Variants in ZNF280C observed in about 807,000 individuals in gnomAD.
ZNF280C encodes the protein suppressor of hairy wing homolog 3.
Under a neutral mutation model 53.6 loss-of-function variants are expected in ZNF280C, and 14 were observed. That is an observed-to-expected ratio of 0.26 (90% confidence interval 0.17 to 0.41). The LOEUF (loss-of-function observed/expected upper bound fraction) is 0.41, where lower values mean the gene tolerates loss of function less well. Ranked by LOEUF, ZNF280C falls within the 10% of genes least tolerant of loss-of-function variation. The probability of loss-of-function intolerance (pLI) is 1.00; values close to 1 mark genes in which losing one functional copy is unlikely to be tolerated. For missense variants in ZNF280C, 416 were observed against 547.1 expected, an observed-to-expected ratio of 0.76 and a Z score of 2.39; for synonymous variants, 203 against 181.1, an observed-to-expected ratio of 1.12 and a Z score of -0.97.
intron 12 of ZNF280C, among the ~76,000 whole-genome samples, chrX:130,226,520 T>C (rs2032222692): frequency 8.9e-6 from 1 of 111,797 alleles, no homozygotes; most frequent in Non-Finnish European, 1.9e-5. Context: ...ACTTTGACTA[T>C]TTATGATTCT....
chrX:130,257,428 T>C (rs1259937541), intron 2 of ZNF280C, among the ~76,000 whole-genome samples: 2 of 111,299 alleles, frequency 1.8e-5, no homozygotes, highest in Admixed American at 9.6e-5. Context: ...GATATAACTA[T>C]ATTGAGAGAT....
chrX:130,253,663 G>A (rs2032536954), intron 2 of ZNF280C, among the ~76,000 whole-genome samples: 1 of 111,970 alleles, frequency 8.9e-6, no homozygotes, highest in African/African-American at 3.2e-5. Flanking sequence ...AATGGGGAAA[G>A]GACTCCCTAT....
Position 130,236,489 on chromosome X carries a change from G to T in ZNF280C, c.644C>A (p.Ser215Tyr), listed in dbSNP as rs779669493. ...PLIGSPPVTS[S>Y]QVMLSKGTNT... ...TTTACCTTTTGACAGCATAACTTGG[G>T]AGGATGTCACTGGAGGAGAGCCAAT... The change falls in exon 7 of 19, where the codon TCC (serine) becomes TAC (tyrosine). Residue 215 changes from serine to tyrosine, a missense_variant. Ser to Tyr is a moderately radical substitution (Grantham distance 144). This residue lies in a region of ZNF280C where 193 missense variants were observed against 201.4 expected (regional missense o/e 0.96). Transcript: ENST00000370978. The T allele has an allele frequency of 1.7e-6, 2 of 1,201,402 alleles. No homozygotes were observed. Among genetic ancestry groups the T allele is most frequent in the Non-Finnish European group, 2.2e-6 (2 of 891,365 alleles).
chrX:130,253,933 T>C (rs909867828), intron 2 of ZNF280C, among the ~76,000 whole-genome samples: 2 of 111,844 alleles, frequency 1.8e-5, no homozygotes, highest in African/African-American at 6.5e-5. Flanking sequence ...AATGAAACTA[T>C]AGACAGAGCA....
rs368684083 is a variant in ZNF280C at position 130,254,903 on chromosome X, TTAAAA to T, written c.31+5511_31+5515del. On this transcript the variant is annotated intron_variant, in intron 2 of 18. Transcript: ENST00000370978. ...CAAACCTGCACATGTATCCCTGAACTTAAAATAAAAGTTAAAAAAAGAAGACACAG... is the reference window on the plus strand; with the variant it reads ...CAAACCTGCACATGTATCCCTGAACTTAAAAGTTAAAAAAAGAAGACACAG... Among the ~76,000 whole-genome samples, 146 of 107,647 alleles carry T rather than the reference TTAAAA, an allele frequency of 1.4e-3. 1 individual carries two copies. The highest frequency in any genetic ancestry group is 0.013 in the South Asian group (32 of 2,371). 93.5% of individuals were successfully genotyped at this position (107,647 alleles called of 115,157 possible).
chrX:130,259,816 C>T, intron 2 of ZNF280C, among the ~76,000 whole-genome samples: 1 of 109,643 alleles, frequency 9.1e-6, no homozygotes, highest in Non-Finnish European at 1.9e-5. Context: ...ATGGTGAAAC[C>T]CCATCTCTAC....
intron 2 of ZNF280C, among the ~76,000 whole-genome samples, chrX:130,258,071 T>C (rs2032593776): frequency 9.0e-6 from 1 of 111,690 alleles, no homozygotes; most frequent in Non-Finnish European, 1.9e-5. Flanking sequence ...TGAGCAGAGA[T>C]GGCACCACTG....
intron 16 of ZNF280C, among the ~76,000 whole-genome samples, chrX:130,206,685 C>G (rs1175860745): frequency 9.0e-6 from 1 of 111,325 alleles, no homozygotes; most frequent in Non-Finnish European, 1.9e-5. Context: ...GTTTTAACAA[C>G]CTGTTGTGGA....
chrX:130,215,711 G>T, intron 14 of ZNF280C, 80 bp downstream of exon 14: 1 of 934,553 alleles, frequency 1.1e-6, no homozygotes, highest in Non-Finnish European at 1.4e-6. Flanking sequence ...TCATGTAAAT[G>T]TGTAAGAGGG....
At chrX:130,209,189 T>C (rs1382855366) in intron 16 of ZNF280C, among the ~76,000 whole-genome samples, 6 of 111,983 alleles carry the variant, frequency 5.4e-5, no homozygotes, top group Non-Finnish European at 9.4e-5. Context: ...CAAAGGAAGA[T>C]GGAGTCAAAA....
chrX:130,220,168 G>A (rs1156583873), intron 13 of ZNF280C, among the ~76,000 whole-genome samples, 181 bp downstream of exon 13: 1 of 110,407 alleles, frequency 9.1e-6, no homozygotes, highest in Non-Finnish European at 1.9e-5. Flanking sequence ...ATTTGTGTTA[G>A]GGACATTCCA....
chrX:130,233,769 G>T (rs1340645835), intron 8 of ZNF280C, among the ~76,000 whole-genome samples: 2 of 110,413 alleles, frequency 1.8e-5, no homozygotes, highest in South Asian at 7.7e-4. Flanking sequence ...TGTTTTCATG[G>T]ATGTATACTT....
intron 2 of ZNF280C, among the ~76,000 whole-genome samples, chrX:130,251,797 A>G (rs779693330): frequency 9.1e-6 from 1 of 109,946 alleles, no homozygotes; most frequent in South Asian, 3.8e-4. Flanking sequence ...TGAAAAAAAA[A>G]AAAAAACAAA....
chrX:130,202,966 A>C lies in ZNF280C; in HGVS notation c.*2011T>G, dbSNP rs1458481469. The C allele has an allele frequency of 8.9e-6, 1 of 111,794 alleles. No individual in the cohort carries two copies. Among genetic ancestry groups the C allele is most frequent in the Non-Finnish European group, 1.9e-5 (1 of 53,208 alleles). The allele number at this position is 111,794 out of a possible 1,213,427, so 9.2% of individuals were successfully genotyped here. On this transcript the variant is annotated 3_prime_UTR_variant, in exon 19 of 19. Transcript: ENST00000370978. ...TGGCTAAGAAGGTATTATGTATTAGATGTATAGAAATGTAACTTTAAAACT... is the reference window on the plus strand; with the variant it reads ...TGGCTAAGAAGGTATTATGTATTAGCTGTATAGAAATGTAACTTTAAAACT...
chrX:130,227,850 C>G, intron 10 of ZNF280C, 68 bp from the exon 11 acceptor site: 1 of 570,157 alleles, frequency 1.8e-6, no homozygotes. Context: ...TTTTGTACAT[C>G]CACAACAAGT....
intron 2 of ZNF280C, among the ~76,000 whole-genome samples, chrX:130,248,871 C>T (rs1441772604): frequency 8.9e-6 from 1 of 112,343 alleles, no homozygotes; most frequent in African/African-American, 3.2e-5. Flanking sequence ...TGCGTATGTG[C>T]GCAAGTGGAT....
At chrX:130,219,145 TTATC>T (rs1446239378) in intron 13 of ZNF280C, among the ~76,000 whole-genome samples, 1 of 111,911 alleles carries the variant, frequency 8.9e-6, no homozygotes, top group Non-Finnish European at 1.9e-5. Flanking sequence ...TCACCTTGGA[TTATC>T]TATCTCTTTA....
chrX:130,220,259 TC>T, intron 13 of ZNF280C, 89 bp downstream of exon 13: 1 of 848,447 alleles, frequency 1.2e-6, no homozygotes, highest in East Asian at 3.7e-5. Flanking sequence ...TAACACTAGA[TC>T]TTATTCCTTC....
At chrX:130,231,431 C>T (rs764991984) in intron 8 of ZNF280C, among the ~76,000 whole-genome samples, 15 of 111,668 alleles carry the variant, frequency 1.3e-4, no homozygotes, top group South Asian at 1.1e-3. Flanking sequence ...CAGCTGGAGG[C>T]GATTATCCTA....
Sources: gnomAD v4.1 joint callset for allele counts (sites outside exome capture counted in the v4.1 genomes callset) on GRCh38, gnomAD v4.1.1 for gene constraint, gnomAD v4.1.1 regional missense constraint, MANE v1.5 for transcripts, NCBI Gene and HGNC (gene_info 2026-07-23, HGNC 2026-07-21) for gene names.